SPSB1: variants seen among roughly 807,000 people sequenced by gnomAD.
SPSB1 encodes the protein SPRY domain-containing SOCS box protein 1.
In SPSB1, 8 loss-of-function variants were observed where a neutral mutation model predicts 21.2. The observed-to-expected ratio is 0.38, with a 90% CI of 0.22 to 0.68. The LOEUF (loss-of-function observed/expected upper bound fraction) is 0.68, where lower values mean the gene tolerates loss of function less well. Among genes scored for constraint, SPSB1 ranks in the 30% least tolerant of loss-of-function variants. The pLI is 0.53. For missense variants in SPSB1, 242 were observed against 377.8 expected, an observed-to-expected ratio of 0.64 and a Z score of 2.98; for synonymous variants, 169 against 161.7, an observed-to-expected ratio of 1.05 and a Z score of -0.34.
intron 1 of SPSB1, among the ~76,000 whole-genome samples, chr1:9,339,489 G>T (rs565705466): frequency 2.6e-5 from 4 of 152,368 alleles, no homozygotes; most frequent in South Asian, 2.1e-4. Flanking sequence ...CTCCGTGGAG[G>T]AGGGGCCCCT....
chr1:9,327,374 C>T (rs1020252612), intron 1 of SPSB1, among the ~76,000 whole-genome samples: 3 of 152,074 alleles, frequency 2.0e-5, no homozygotes, highest in Non-Finnish European at 4.4e-5. Context: ...AAAAGTCGAT[C>T]GCCAGGCAAG....
chr1:9,320,968 TCTC>T (rs1639713989), intron 1 of SPSB1, among the ~76,000 whole-genome samples: 1 of 151,670 alleles, frequency 6.6e-6, no homozygotes, highest in South Asian at 2.1e-4. Context: ...CTGCTTAAAA[TCTC>T]CTTCCCGAGT....
chr1:9,343,165 C>T (rs1214696774), intron 1 of SPSB1, among the ~76,000 whole-genome samples: 1 of 152,244 alleles, frequency 6.6e-6, no homozygotes, highest in Non-Finnish European at 1.5e-5. Flanking sequence ...TATACTACCA[C>T]CTCTGTCTTG....
Position 9,367,442 on chromosome 1 carries a change from C to G in SPSB1, c.695-6C>G, listed in dbSNP as rs748216174. 1 of 1,613,296 alleles carries G rather than the reference C, an allele frequency of 6.2e-7. No individual in the cohort carries two copies. Among genetic ancestry groups the G allele is most frequent in the African/African-American group, 1.3e-5 (1 of 74,914 alleles). Reference sequence around the variant, plus strand: ...GCGCTGACCTGCAGTTTCTCTGTCTCCCCAGCCGAGCCGCTGCCGCTCATG... The same window carrying G: ...GCGCTGACCTGCAGTTTCTCTGTCTGCCCAGCCGAGCCGCTGCCGCTCATG... On this transcript the variant is annotated splice_region_variant and splice_polypyrimidine_tract_variant and intron_variant, in intron 2 of 2. Transcript: ENST00000328089. The surrounding 1 kb of genome is among the most constrained non-coding windows in gnomAD (Gnocchi z 5.9).
intron 1 of SPSB1, among the ~76,000 whole-genome samples, chr1:9,297,646 C>T (rs1236152335): frequency 1.3e-5 from 2 of 152,074 alleles, no homozygotes; most frequent in East Asian, 3.9e-4. Context: ...TGTTGTAGCT[C>T]AGGGGGTTAA....
chr1:9,331,779 G>C (rs938233507), intron 1 of SPSB1, among the ~76,000 whole-genome samples: 2 of 152,150 alleles, frequency 1.3e-5, no homozygotes, highest in Non-Finnish European at 2.9e-5. Context: ...CACCATCTCT[G>C]TATTGACTCT....
intron 2 of SPSB1, among the ~76,000 whole-genome samples, chr1:9,360,203 C>A (rs901025264): frequency 2.1e-5 from 3 of 143,944 alleles, no homozygotes; most frequent in African/African-American, 7.5e-5. Flanking sequence ...GCTTAGAGGC[C>A]AGGAGGGTGG....
At chr1:9,335,520 G>C (rs932672972) in intron 1 of SPSB1, among the ~76,000 whole-genome samples, 1 of 149,174 alleles carries the variant, frequency 6.7e-6, no homozygotes, top group Non-Finnish European at 1.5e-5. Context: ...AAAAAAGATC[G>C]TTGTGGGGTC....
In SPSB1 at chr1:9,324,237, C is replaced by T. The variant is rs998438715; in HGVS notation, c.-150+31166C>T. On this transcript the variant is annotated intron_variant, in intron 1 of 2. Coordinates refer to ENST00000328089, the MANE Select transcript of SPSB1 (RefSeq NM_025106.4). The surrounding 1 kb of genome is among the most constrained non-coding windows in gnomAD (Gnocchi z 4.3). The stretch of plus-strand genomic sequence containing the variant: ...CTGGAATGGGCCTAGGTGGGAGGGA[C>T]TTTGTCTTTACTACCACGTGGAGCC... Among the ~76,000 whole-genome samples the T allele has an allele frequency of 2.0e-5, 3 of 152,174 alleles. No individual in the cohort carries two copies. Among genetic ancestry groups the T allele is most frequent in the African/African-American group, 7.2e-5 (3 of 41,438 alleles).
rs1640597846 is a variant in SPSB1, at chr1:9,367,541, C to T, written c.788C>T (p.Pro263Leu). 3 of 1,612,692 alleles carry T rather than the reference C, an allele frequency of 1.9e-6. No individual in the cohort carries two copies. The highest frequency in any genetic ancestry group is 2.2e-5 in the East Asian group (1 of 44,846). The change falls in exon 3 of 3, where the codon CCG becomes CTG. Residue 263 changes from proline (P) to leucine (L), a missense_variant. Pro to Leu is a moderately conservative substitution (Grantham distance 98). Coordinates refer to ENST00000328089, the MANE Select transcript of SPSB1 (RefSeq NM_025106.4). This position sits in a 1 kb window ranked among gnomAD's most constrained non-coding sequence, Gnocchi z 5.9. ...GGGGAGATCCACACGCTGCCGCTGC[C>T]GGCTTCCCTCAAGGCCTACCTCCTC... ...RLGEIHTLPL[P>L]ASLKAYLLYQ
At chr1:9,331,732 G>T (rs917017419) in intron 1 of SPSB1, among the ~76,000 whole-genome samples, 1 of 152,086 alleles carries the variant, frequency 6.6e-6, no homozygotes, top group Non-Finnish European at 1.5e-5. Flanking sequence ...CAGCCACGTT[G>T]GTACTTGCTC....
At chr1:9,358,867 G>A (rs1640420087) in intron 2 of SPSB1, among the ~76,000 whole-genome samples, 1 of 152,210 alleles carries the variant, frequency 6.6e-6, no homozygotes, top group Admixed American at 6.5e-5. Context: ...GGGGACTGGA[G>A]CCTATTTGAA....
At chr1:9,350,675 G>T (rs1203067128) in intron 1 of SPSB1, among the ~76,000 whole-genome samples, 2 of 152,238 alleles carry the variant, frequency 1.3e-5, no homozygotes, top group African/African-American at 2.4e-5. Flanking sequence ...TCCCGTTCCA[G>T]CCCTGCAGGG....
chr1:9,300,305 C>G (rs1448588491), intron 1 of SPSB1, among the ~76,000 whole-genome samples: 1 of 152,168 alleles, frequency 6.6e-6, no homozygotes, highest in African/African-American at 2.4e-5. Context: ...TTACTCCAGC[C>G]CATTTGCTGA....
chr1:9,332,182 C>G (rs577291000), intron 1 of SPSB1, among the ~76,000 whole-genome samples: 22 of 143,484 alleles, frequency 1.5e-4, no homozygotes, highest in Admixed American at 9.1e-4. Flanking sequence ...GAGACCCCAC[C>G]TCTACCAAAA....
At chr1:9,320,162 C>T (rs1470554761) in intron 1 of SPSB1, among the ~76,000 whole-genome samples, 1 of 152,234 alleles carries the variant, frequency 6.6e-6, no homozygotes, top group East Asian at 1.9e-4. Context: ...TCTTTGCCTT[C>T]CTCCTAAATT....
intron 1 of SPSB1, among the ~76,000 whole-genome samples, chr1:9,333,331 T>C (rs1399872296): frequency 1.2e-5 from 1 of 80,496 alleles, no homozygotes; most frequent in Non-Finnish European, 2.0e-5. Context: ...TCAGCTTCTT[T>C]TTTTTTTTTT....
Position 9,367,634 on chromosome 1 carries a change from G to T in SPSB1, c.*59G>T. The T allele has an allele frequency of 6.6e-7, 1 of 1,519,958 alleles. No homozygotes were observed. 94.2% of individuals were successfully genotyped at this position (1,519,958 alleles called of 1,614,324 possible). On this transcript the variant is annotated 3_prime_UTR_variant, in exon 3 of 3. Coordinates refer to ENST00000328089, the MANE Select transcript of SPSB1 (RefSeq NM_025106.4). This position sits in a 1 kb window ranked among gnomAD's most constrained non-coding sequence, Gnocchi z 5.9. ...CTGGTGCCAACTCACTGAGCCGCCT[G>T]CCGCTGGGGCCGCCGCACCCTGCAC...
rs762933717 is a variant in SPSB1 at position 9,356,320 on chromosome 1, C to G, written c.429C>G (p.Asp143Glu). Residue 143 changes from aspartate (D) to glutamate (E), a missense_variant, in exon 2 of 3, where the codon GAC becomes GAG. By Grantham distance (45) the Asp-to-Glu change is conservative. Coordinates refer to ENST00000328089, the MANE Select transcript of SPSB1 (RefSeq NM_025106.4). This position sits in a 1 kb window ranked among gnomAD's most constrained non-coding sequence, Gnocchi z 7.4. ...VGNNHESWGW[D>E]LGRNRLYHDG... ...ATAACCACGAGTCCTGGGGCTGGGACTTGGGGCGCAACCGGCTCTACCACG... is the reference window on the plus strand; with the variant it reads ...ATAACCACGAGTCCTGGGGCTGGGAGTTGGGGCGCAACCGGCTCTACCACG... The G allele has an allele frequency of 1.9e-6, 3 of 1,613,754 alleles. No homozygotes were observed. Among genetic ancestry groups the G allele is most frequent in the Non-Finnish European group, 1.7e-6 (2 of 1,180,036 alleles).
Sources: gnomAD v4.1 joint callset for allele counts (sites outside exome capture counted in the v4.1 genomes callset) on GRCh38, gnomAD v4.1.1 for gene constraint, Gnocchi (gnomAD v3.1) non-coding constraint, MANE v1.5 for transcripts, NCBI Gene and HGNC (gene_info 2026-07-23, HGNC 2026-07-21) for gene names.